VSIG8: variants seen among roughly 807,000 people sequenced by gnomAD.
VSIG8 encodes the protein V-set and immunoglobulin domain-containing protein 8.
In VSIG8, 32 loss-of-function variants were observed where a neutral mutation model predicts 42.6. That is an observed-to-expected ratio of 0.75 (90% CI 0.57 to 1.01). The LOEUF (loss-of-function observed/expected upper bound fraction) is 1.01. VSIG8 is among the 50% of genes least tolerant of loss of function. The pLI, the probability that VSIG8 is intolerant of heterozygous loss-of-function variation, is 0.00. For synonymous variants in VSIG8, 290 were observed against 243.8 expected (o/e 1.19, Z -1.77); for missense variants, 529 against 558.0 (o/e 0.95, Z 0.52).
chr1:159,855,822 G>A, intron 6 of VSIG8, 61 bp downstream of exon 6: 1 of 1,486,682 alleles, frequency 6.7e-7, no homozygotes, highest in African/African-American at 1.4e-5. Context: ...AGGCAGGAGT[G>A]AGGTGGGCAG....
chr1:159,856,345 T>A (rs1648823950), intron 5 of VSIG8, among the ~76,000 whole-genome samples, 179 bp downstream of exon 5: 2 of 152,068 alleles, frequency 1.3e-5, no homozygotes, highest in Admixed American at 1.3e-4. Flanking sequence ...TTGACCCAGC[T>A]CAATAGGGTC....
rs1648901697 is a variant in VSIG8 at position 159,857,981 on chromosome 1, A to T, written c.431-15T>A. The T allele has an allele frequency of 6.2e-7, 1 of 1,612,884 alleles. No homozygotes were observed. Among genetic ancestry groups the T allele is most frequent in the African/African-American group, 1.3e-5 (1 of 74,930 alleles). ...TGCAGGTCGTGCTGCAAGGAGGCAGACAATTGTAAGCCAGGGCCCAGCCAA... is the reference window on the plus strand; with the variant it reads ...TGCAGGTCGTGCTGCAAGGAGGCAGTCAATTGTAAGCCAGGGCCCAGCCAA... On this transcript the variant is annotated splice_polypyrimidine_tract_variant and intron_variant, in intron 3 of 6. Coordinates refer to ENST00000368100, the MANE Select transcript of VSIG8 (RefSeq NM_001013661.1).
At position 159,854,546 on chromosome 1, in the gene VSIG8, C is replaced by T. The variant is rs1242900788; in HGVS notation, c.*207G>A. 1.9e-6 allele frequency: 2 copies of T among 1,026,006 alleles called. No individual in the cohort carries two copies. The highest frequency in any genetic ancestry group is 4.9e-5 in the South Asian group (2 of 40,910). The allele number at this position is 1,026,006 out of a possible 1,614,324, so 63.6% of individuals were successfully genotyped here. On this transcript the variant is annotated 3_prime_UTR_variant, in exon 7 of 7. Coordinates refer to ENST00000368100, the MANE Select transcript of VSIG8 (RefSeq NM_001013661.1). ...GGGTGCGGAGAAGGCTCAGGATCGC[C>T]TTCCTCCGCCCTCGCCCGCCCCTTC...
At chr1:159,855,230 A>G in intron 6 of VSIG8, 1 of 1,551,554 alleles carries the variant, frequency 6.4e-7, no homozygotes, top group South Asian at 1.2e-5. Flanking sequence ...CGGAGCCAGC[A>G]TCCCCATCCT....
At chr1:159,856,439 G>A in intron 5 of VSIG8, 85 bp downstream of exon 5, 1 of 1,584,758 alleles carries the variant, frequency 6.3e-7, no homozygotes, top group South Asian at 1.2e-5. Context: ...TGGAAAGGCA[G>A]AAGCAGCTGA....
At position 159,854,954 on chromosome 1, in the gene VSIG8, C is replaced by G. The variant is rs1359118524; in HGVS notation, c.1044G>C (p.Pro348=). 3.2e-6 allele frequency: 5 copies of G among 1,538,698 alleles called. No homozygotes were observed. In the Admixed American group the frequency reaches 9.6e-5, roughly 30 times the overall value. The part of the protein sequence containing the change: ...GSRVTHLLGY[P]TQNVSRSLRR... ...GCAGGGAGCGGCTGACGTTCTGCGTCGGGTACCCCAGGAGGTGGGTGACGC... is the reference window on the plus strand; with the variant it reads ...GCAGGGAGCGGCTGACGTTCTGCGTGGGGTACCCCAGGAGGTGGGTGACGC... The change falls in exon 7 of 7, where the codon CCG becomes CCC. Residue 348 remains proline, a synonymous_variant. Transcript: ENST00000368100.
rs910202456 is a variant in VSIG8 at position 159,854,887 on chromosome 1, C to T, written c.1111G>A (p.Val371Met). The T allele has an allele frequency of 3.4e-6, 5 of 1,470,780 alleles. No homozygotes were observed. Among genetic ancestry groups the T allele is most frequent in the South Asian group, 2.7e-5 (2 of 75,090 alleles). 91.1% of individuals were successfully genotyped at this position (1,470,780 alleles called of 1,614,324 possible). A position where few individuals can be genotyped will look rare whatever the true frequency, so the allele number is the denominator to read the frequency against. The change falls in exon 7 of 7, where the codon GTG (valine) becomes ATG (methionine). Residue 371 changes from valine to methionine, a missense_variant. Coordinates refer to ENST00000368100, the MANE Select transcript of VSIG8 (RefSeq NM_001013661.1). ...GCGGCGGTGCAGGGCGCCAGGGCCA[C>T]GTCCTCGGGGCCGCCGCAGGGGGGA... ...APPPCGGPEDVALAPCTAAAA... is the reference protein window; with the variant it reads ...APPPCGGPEDMALAPCTAAAA...
rs200899435 is a variant in VSIG8, at chr1:159,858,886, C to T, written c.76G>A (p.Gly26Arg). 41 of 1,613,712 alleles carry T rather than the reference C, an allele frequency of 2.5e-5. No individual in the cohort carries two copies. The highest frequency in any genetic ancestry group is 1.0e-4 in the Admixed American group (6 of 59,968). Reference sequence around the variant, plus strand: ...AGGTACAGGACCTCCTGTCCATCCCCGTTGATCCGCACAGCAGACAGCAGT... The same window carrying T: ...AGGTACAGGACCTCCTGTCCATCCCTGTTGATCCGCACAGCAGACAGCAGT... ...PALLSAVRINGDGQEVLYLAE... is the reference protein window; with the variant it reads ...PALLSAVRINRDGQEVLYLAE... Residue 26 changes from glycine (G) to arginine (R), a missense_variant, in exon 2 of 7, where the codon GGG (glycine) becomes AGG (arginine). Transcript: ENST00000368100.
chr1:159,855,172 C>T lies in VSIG8; in HGVS notation c.972-146G>A, dbSNP rs1358540557. ...CTCGTCTCTCTCCCTCGGCCTCGAC[C>T]TACTGTCCTTTGTGACCCTTCCTGG... On this transcript the variant is annotated intron_variant, in intron 6 of 6. Transcript: ENST00000368100. 1.9e-6 allele frequency: 3 copies of T among 1,551,738 alleles called. No homozygotes were observed. The South Asian group carries it at 3.6e-5, about 18-fold the overall frequency.
At chr1:159,858,691 T>C (rs925136939) in intron 2 of VSIG8, 43 bp downstream of exon 2, 1 of 1,564,226 alleles carries the variant, frequency 6.4e-7, no homozygotes, top group South Asian at 1.2e-5. Context: ...CAGGTAGACA[T>C]CATGAAGCCT....
At chr1:159,860,631 TG>T (rs1648989921) in intron 1 of VSIG8, 1 of 152,276 alleles carries the variant, frequency 6.6e-6, no homozygotes, top group Non-Finnish European at 1.5e-5. Context: ...CGGGACCTAG[TG>T]ATGCCTCTTC....
chr1:159,855,846 T>C, intron 6 of VSIG8, 37 bp downstream of exon 6: 1 of 1,514,956 alleles, frequency 6.6e-7, no homozygotes, highest in South Asian at 1.3e-5. Context: ...GCCGGTTCCC[T>C]GCCGCACAGC....
rs574003671 is a variant in VSIG8, at chr1:159,858,669, T to C, written c.228+65A>G. 2.2e-5 allele frequency: 34 copies of C among 1,530,068 alleles called. 3 individuals carry two copies. In the South Asian group the frequency reaches 3.9e-4, roughly 18 times the overall value. 94.8% of individuals were successfully genotyped at this position (1,530,068 alleles called of 1,614,324 possible). A position where few individuals can be genotyped will look rare whatever the true frequency, so the allele number is the denominator to read the frequency against. On this transcript the variant is annotated intron_variant, in intron 2 of 6. Transcript: ENST00000368100. ...AGGTCAGTCTTCTCCCTTTGGGATG[T>C]TGGCTGTCCAACAGGTAGACATCAT...
At chr1:159,860,662 C>A (rs1648990422) in intron 1 of VSIG8, 1 of 152,292 alleles carries the variant, frequency 6.6e-6, no homozygotes, top group African/African-American at 2.4e-5. Context: ...GCCAAGAGAA[C>A]AACAGCTCAT....
In VSIG8 at chr1:159,860,864, G is replaced by T. The variant is rs1381984671; in HGVS notation, c.49+1609C>A. The stretch of plus-strand genomic sequence containing the variant: ...AGGATGGTAAGCATTCAGGGAGAGG[G>T]GCTTGGGAAGGAGCGACAGGCTGCA... On this transcript the variant is annotated intron_variant, in intron 1 of 6. Coordinates refer to ENST00000368100, the MANE Select transcript of VSIG8 (RefSeq NM_001013661.1). 3 of 152,448 alleles carry T rather than the reference G, an allele frequency of 2.0e-5. No homozygotes were observed. The South Asian group carries it at 6.2e-4, about 32-fold the overall frequency. 9.4% of individuals were successfully genotyped at this position (152,448 alleles called of 1,614,324 possible).
chr1:159,862,055 A>C, intron 1 of VSIG8: 1 of 181,484 alleles, frequency 5.5e-6, no homozygotes, highest in Non-Finnish European at 1.1e-5. Context: ...AGCGTTGGGA[A>C]TAGCACACAG....
chr1:159,862,236 A>G (rs1649046964), intron 1 of VSIG8: 3 of 448,204 alleles, frequency 6.7e-6, no homozygotes, highest in Middle Eastern at 1.1e-3. Context: ...GACAGGGGAC[A>G]TATAAAGATC....
At chr1:159,855,150 GTC>G in intron 6 of VSIG8, 124 bp from the exon 7 acceptor site, 1 of 1,551,580 alleles carries the variant, frequency 6.4e-7, no homozygotes, top group Non-Finnish European at 8.7e-7. Context: ...ACCTGCCCTC[GTC>G]TCTCTCCCTC....
Position 159,857,985 on chromosome 1 carries a change from T to C in VSIG8, c.431-19A>G, listed in dbSNP as rs372910764. 10 of 1,612,640 alleles carry C rather than the reference T, an allele frequency of 6.2e-6. No individual in the cohort carries two copies. Among genetic ancestry groups the C allele is most frequent in the African/African-American group, 1.3e-5 (1 of 74,894 alleles). On this transcript the variant is annotated intron_variant, in intron 3 of 6. Coordinates refer to ENST00000368100, the MANE Select transcript of VSIG8 (RefSeq NM_001013661.1). ...GGTCGTGCTGCAAGGAGGCAGACAA[T>C]TGTAAGCCAGGGCCCAGCCAAGAGA... is the stretch of plus-strand genomic sequence containing the variant.
Sources: allele counts gnomAD v4.1 joint callset (sites outside exome capture counted in the v4.1 genomes callset), GRCh38; gene constraint gnomAD v4.1.1; transcripts MANE v1.5; gene names NCBI Gene and HGNC (gene_info 2026-07-23, HGNC 2026-07-21).